KLHL1: variants seen among roughly 807,000 people sequenced by gnomAD.
The protein encoded by KLHL1 is kelch-like protein 1.
In KLHL1, 47 loss-of-function variants were observed where a neutral mutation model predicts 77.7. The observed-to-expected ratio is 0.60, with a 90% CI of 0.48 to 0.77. The LOEUF is 0.77. Ranked by LOEUF, KLHL1 falls within the 30% of genes least tolerant of loss-of-function variation. The pLI is 0.00. For missense variants in KLHL1, 925 were observed against 910.8 expected (o/e 1.02, Z -0.20); for synonymous variants, 360 against 325.2 (o/e 1.11, Z -1.15).
chr13:70,054,391 C>T (rs1468956356), intron 1 of KLHL1, among the ~76,000 whole-genome samples: 1 of 151,980 alleles, frequency 6.6e-6, no homozygotes, highest in Admixed American at 6.6e-5. Flanking sequence ...TTTTTTATGT[C>T]TGTGAGATTC....
intron 7 of KLHL1, among the ~76,000 whole-genome samples, chr13:69,778,108 A>C (rs1345512580): frequency 6.6e-6 from 1 of 152,090 alleles, no homozygotes; most frequent in Non-Finnish European, 1.5e-5. Flanking sequence ...TAAAACAGTT[A>C]ATTAAAGAGA....
chr13:69,889,104 A>G, intron 4 of KLHL1, among the ~76,000 whole-genome samples: 1 of 151,974 alleles, frequency 6.6e-6, no homozygotes, highest in Non-Finnish European at 1.5e-5. Flanking sequence ...AAAAATGCAG[A>G]GTTGAGAAAG....
At chr13:69,773,562 C>A (rs1470605304) in intron 7 of KLHL1, among the ~76,000 whole-genome samples, 1 of 151,804 alleles carries the variant, frequency 6.6e-6, no homozygotes, top group African/African-American at 2.4e-5. Context: ...AATATATAAT[C>A]TTTTATTTAT....
chr13:69,892,675 G>A (rs894799552), intron 4 of KLHL1, among the ~76,000 whole-genome samples: 7 of 152,034 alleles, frequency 4.6e-5, no homozygotes, highest in Admixed American at 3.3e-4. Context: ...TTAGTCTTTT[G>A]TCCTTATGCT....
intron 1 of KLHL1, among the ~76,000 whole-genome samples, chr13:70,037,531 C>T (rs1260387490): frequency 6.6e-6 from 1 of 151,932 alleles, no homozygotes; most frequent in South Asian, 2.1e-4. Flanking sequence ...AATTTGTTGT[C>T]TAAAATATAA....
intron 8 of KLHL1, among the ~76,000 whole-genome samples, chr13:69,727,312 T>C (rs1873342679): frequency 6.6e-6 from 1 of 152,170 alleles, no homozygotes; most frequent in African/African-American, 2.4e-5. Context: ...GAGCTAGACT[T>C]GGGTTTGTTT....
chr13:69,729,659 C>T (rs1288192920), intron 8 of KLHL1, among the ~76,000 whole-genome samples: 1 of 151,808 alleles, frequency 6.6e-6, no homozygotes, highest in African/African-American at 2.4e-5. Flanking sequence ...GGAAAAGTAC[C>T]CAGACATTAA....
At chr13:69,948,151 C>A (rs1883590182) in intron 3 of KLHL1, among the ~76,000 whole-genome samples, 1 of 151,990 alleles carries the variant, frequency 6.6e-6, no homozygotes, top group Admixed American at 6.6e-5. Flanking sequence ...AACTTTGTCT[C>A]CAGAGTTAAT....
chr13:69,826,125 C>T (rs116253005), intron 6 of KLHL1, among the ~76,000 whole-genome samples: 2,205 of 152,110 alleles, frequency 0.014, 53 homozygotes, highest in African/African-American at 0.049. Context: ...AAAAGTCAAA[C>T]TCATAGAAGC....
Position 70,012,152 on chromosome 13 carries a change from G to A in KLHL1, c.498-36350C>T, listed in dbSNP as rs552868273. 1.6e-3 allele frequency among the ~76,000 whole-genome samples: 243 copies of A among 152,202 alleles called. 1 individual carries two copies. Among genetic ancestry groups the A allele is most frequent in the African/African-American group, 5.5e-3 (229 of 41,530 alleles). On this transcript the variant is annotated intron_variant, in intron 1 of 10. Coordinates refer to ENST00000377844, the MANE Select transcript of KLHL1 (RefSeq NM_020866.3). Reference sequence around the variant, plus strand: ...CGTAGAAATTAAAGATGAGATTTGGGTGGGGACACAGCCAAATCATATCAG... The same window carrying A: ...CGTAGAAATTAAAGATGAGATTTGGATGGGGACACAGCCAAATCATATCAG...
intron 5 of KLHL1, among the ~76,000 whole-genome samples, chr13:69,852,059 T>C (rs1879711514): frequency 6.6e-6 from 1 of 151,952 alleles, no homozygotes; most frequent in Non-Finnish European, 1.5e-5. Context: ...CATGCATCTA[T>C]GCATATTATC....
chr13:69,877,076 G>A (rs1348689375), intron 5 of KLHL1, among the ~76,000 whole-genome samples: 1 of 151,904 alleles, frequency 6.6e-6, no homozygotes, highest in African/African-American at 2.4e-5. Context: ...TCTGAGCTAG[G>A]AAGCAAAGTT....
chr13:69,891,815 C>T (rs921079420), intron 4 of KLHL1, among the ~76,000 whole-genome samples: 2 of 151,982 alleles, frequency 1.3e-5, no homozygotes, highest in African/African-American at 4.8e-5. Flanking sequence ...TCATACTGGA[C>T]ATATATTGCT....
chr13:69,721,960 C>A (rs549279656), intron 8 of KLHL1, among the ~76,000 whole-genome samples: 1 of 152,028 alleles, frequency 6.6e-6, no homozygotes, highest in Non-Finnish European at 1.5e-5. Context: ...ATTCTAAACA[C>A]CTTATGAAAT....
intron 8 of KLHL1, among the ~76,000 whole-genome samples, chr13:69,739,898 G>A (rs1175210779): frequency 1.3e-5 from 2 of 152,082 alleles, no homozygotes; most frequent in Non-Finnish European, 2.9e-5. Flanking sequence ...CAATGAGGTG[G>A]TGGGTGAGGG....
chr13:70,096,008 T>C (rs1036805023), intron 1 of KLHL1, among the ~76,000 whole-genome samples: 7 of 152,130 alleles, frequency 4.6e-5, no homozygotes, highest in African/African-American at 1.7e-4. Flanking sequence ...ACCCATGTTG[T>C]TGCAATTAAC....
chr13:69,876,030 C>T (rs901649181), intron 5 of KLHL1, among the ~76,000 whole-genome samples: 1 of 151,944 alleles, frequency 6.6e-6, no homozygotes, highest in African/African-American at 2.4e-5. Context: ...ATTATTTTGG[C>T]CTTACTCATT....
At chr13:70,099,678 A>G (rs1230656457) in intron 1 of KLHL1, among the ~76,000 whole-genome samples, 1 of 152,044 alleles carries the variant, frequency 6.6e-6, no homozygotes, top group Non-Finnish European at 1.5e-5. Flanking sequence ...GAAATACACC[A>G]TACAATAAGC....
intron 6 of KLHL1, among the ~76,000 whole-genome samples, chr13:69,797,662 C>CAA (rs377653781): frequency 1.7e-4 from 20 of 119,862 alleles, no homozygotes; most frequent in African/African-American, 4.9e-4. Flanking sequence ...ACTAAAAATA[C>CAA]AAAAAAAAAA....
Sources: gnomAD v4.1 joint callset for allele counts (sites outside exome capture counted in the v4.1 genomes callset) on GRCh38, gnomAD v4.1.1 for gene constraint, MANE v1.5 for transcripts, NCBI Gene and HGNC (gene_info 2026-07-23, HGNC 2026-07-21) for gene names.